The following ARHGEF1 variants were observed in gnomAD, a reference collection of about 807,000 sequenced individuals.
The protein encoded by ARHGEF1 is 115 kDa guanine nucleotide exchange factor.
In ARHGEF1, 40 loss-of-function variants were observed where a neutral mutation model predicts 119.7. The ratio of observed to expected loss-of-function variants is 0.33; its 90% CI spans 0.26 to 0.44. ARHGEF1 has a LOEUF of 0.44. Ranked by LOEUF, ARHGEF1 falls within the 20% of genes least tolerant of loss-of-function variation. The probability of loss-of-function intolerance (pLI) is 1.00; values close to 1 mark genes in which losing one functional copy is unlikely to be tolerated. For synonymous variants in ARHGEF1, 494 were observed against 521.0 expected, an observed-to-expected ratio of 0.95 and a Z score of 0.71; for missense variants, 976 against 1,268.3, an observed-to-expected ratio of 0.77 and a Z score of 3.50.
Position 41,888,914 on chromosome 19 carries a change from C to A in ARHGEF1, c.225+49C>A, listed in dbSNP as rs1555845759. 1.3e-6 allele frequency: 2 copies of A among 1,519,416 alleles called. No homozygotes were observed. The highest frequency in any genetic ancestry group is 2.3e-5 in the East Asian group (1 of 43,258). 94.1% of individuals were successfully genotyped at this position (1,519,416 alleles called of 1,614,324 possible). A position where few individuals can be genotyped will look rare whatever the true frequency, so the allele number is the denominator to read the frequency against. Reference sequence around the variant, plus strand: ...CAGGGAGGGGTGGGGCTGGGACAGGCACAGCTTTTAGCGAATTAAACCAGC... The same window carrying A: ...CAGGGAGGGGTGGGGCTGGGACAGGAACAGCTTTTAGCGAATTAAACCAGC... On this transcript the variant is annotated intron_variant, in intron 4 of 28. Coordinates refer to ENST00000354532, the MANE Select transcript of ARHGEF1 (RefSeq NM_004706.4). This position sits in a 1 kb window ranked among gnomAD's most constrained non-coding sequence, Gnocchi z 5.1.
rs2123415650 is a variant in ARHGEF1, at chr19:41,893,129, G to A, written c.615-145G>A. 3.4e-6 allele frequency: 4 copies of A among 1,184,970 alleles called. No homozygotes were observed. The East Asian group carries it at 1.0e-4, about 30-fold the overall frequency. The allele number at this position is 1,184,970 out of a possible 1,614,324, so 73.4% of individuals were successfully genotyped here. Reference sequence around the variant, plus strand: ...AGAGACCTCCCTCCCTCTTATGACAGTCCTTCCCAATCCCTTCCACAGTGT... The same window carrying A: ...AGAGACCTCCCTCCCTCTTATGACAATCCTTCCCAATCCCTTCCACAGTGT... On this transcript the variant is annotated intron_variant, in intron 7 of 28. Transcript: ENST00000354532.
In ARHGEF1 at chr19:41,892,900, A is replaced by C; in HGVS notation, c.614+51A>C. ...CGTCGCCCCTCCCCAGCACAAGGGC[A>C]CCCGTGCTACCTCTGGCATGTTCCA... On this transcript the variant is annotated intron_variant, in intron 7 of 28. Transcript: ENST00000354532. The surrounding 1 kb of genome is among the most constrained non-coding windows in gnomAD (Gnocchi z 6.3). 6.9e-7 allele frequency: 1 copy of C among 1,445,676 alleles called. No individual in the cohort carries two copies. Among genetic ancestry groups the C allele is most frequent in the Non-Finnish European group, 9.1e-7 (1 of 1,100,196 alleles). The allele number at this position is 1,445,676 out of a possible 1,614,324, so 89.6% of individuals were successfully genotyped here. A position where few individuals can be genotyped will look rare whatever the true frequency, so the allele number is the denominator to read the frequency against.
chr19:41,895,275 T>G, intron 11 of ARHGEF1, 74 bp from the exon 12 acceptor site: 1 of 1,530,954 alleles, frequency 6.5e-7, no homozygotes, highest in Non-Finnish European at 8.8e-7. Flanking sequence ...GCACAGCCTC[T>G]TGCATCCCCT....
chr19:41,892,356 A>T lies in ARHGEF1; in HGVS notation c.350A>T (p.Asn117Ile). The T allele has an allele frequency of 6.2e-7, 1 of 1,613,858 alleles. No individual in the cohort carries two copies. Among genetic ancestry groups the T allele is most frequent in the Non-Finnish European group, 8.5e-7 (1 of 1,179,986 alleles). Residue 117 changes from asparagine to isoleucine, a missense_variant, in exon 6 of 29, where the codon AAC becomes ATC. Coordinates refer to ENST00000354532, the MANE Select transcript of ARHGEF1 (RefSeq NM_004706.4). This position sits in a 1 kb window ranked among gnomAD's most constrained non-coding sequence, Gnocchi z 6.3. ...GTTCTCCGGGTGCCGGTCCCTCCCA[A>T]CGTCGCCTTTGAACTTGGTAAGGAG... is the stretch of plus-strand genomic sequence containing the variant. The part of the protein sequence containing the change: ...TAVLRVPVPP[N>I]VAFELDRTRA...
downstream of ARHGEF1, chr19:41,907,763 T>C (rs2074724622): frequency 5.6e-6 from 1 of 178,534 alleles, no homozygotes. Context: ...GTTGGGATCA[T>C]GGGGAGCTGG....
intron 13 of ARHGEF1, chr19:41,898,121 AACCC>A: frequency 7.2e-7 from 1 of 1,385,494 alleles, no homozygotes; most frequent in Non-Finnish European, 9.3e-7. Context: ...CACGTATGTC[AACCC>A]TCTCCCTTCC....
downstream of ARHGEF1, chr19:41,909,778 A>G: frequency 7.1e-7 from 1 of 1,410,890 alleles, no homozygotes; most frequent in East Asian, 2.5e-5. This position sits in a 1 kb window ranked among gnomAD's most constrained non-coding sequence, Gnocchi z 5.2. Flanking sequence ...TCCAGCAGGA[A>G]CCTGCCCCAG....
chr19:41,927,342 A>T (rs1478192166), intron 1 of ARHGEF1, among the ~76,000 whole-genome samples: 1 of 152,042 alleles, frequency 6.6e-6, no homozygotes, highest in Non-Finnish European at 1.5e-5. Context: ...GAATTGGCCC[A>T]AATGTCCTTC....
chr19:41,891,573 T>C (rs2074377331), intron 4 of ARHGEF1, among the ~76,000 whole-genome samples: 1 of 152,244 alleles, frequency 6.6e-6, no homozygotes, highest in Non-Finnish European at 1.5e-5. Flanking sequence ...TGTGAGCCAC[T>C]GTGCCTAGCC....
At position 41,916,147 on chromosome 19, in the gene ARHGEF1, C is replaced by A. The variant is rs1395361374; in HGVS notation, c.1866-6945C>A. ...TCCCTTCTCTCCCTGCCAAGCACAA[C>A]CACACAGACCCACACACCAACCCAG... On this transcript the variant is annotated intron_variant, in intron 18 of 20. Transcript: ENST00000599589. This position sits in a 1 kb window ranked among gnomAD's most constrained non-coding sequence, Gnocchi z 5.4. Among the ~76,000 whole-genome samples, 1 of 152,062 alleles carries A rather than the reference C, an allele frequency of 6.6e-6. No homozygotes were observed. Among genetic ancestry groups the A allele is most frequent in the African/African-American group, 2.4e-5 (1 of 41,388 alleles).
At chr19:41,909,200 C>T (rs1278713697), downstream of ARHGEF1, 13 of 1,230,650 alleles carry the variant, frequency 1.1e-5, no homozygotes, top group South Asian at 8.2e-5. This position sits in a 1 kb window ranked among gnomAD's most constrained non-coding sequence, Gnocchi z 5.2. Context: ...TGGGAGAAGC[C>T]GCCCTTCTCA....
intron 1 of ARHGEF1, chr19:41,884,323 A>C (rs1416258978): frequency 1.6e-6 from 2 of 1,238,794 alleles, no homozygotes; most frequent in Non-Finnish European, 2.2e-6. Context: ...TCGGGGCCGG[A>C]GCCCGGCAGG....
At chr19:41,896,145 C>T (rs2074481353) in intron 12 of ARHGEF1, among the ~76,000 whole-genome samples, 1 of 152,112 alleles carries the variant, frequency 6.6e-6, no homozygotes, top group Admixed American at 6.5e-5. Flanking sequence ...GGGTCCCCAT[C>T]CACCCAGGAC....
Position 41,902,550 on chromosome 19 carries a change from C to T in ARHGEF1, c.1515C>T (p.Gly505=), listed in dbSNP as rs2074621932. 4 of 1,614,068 alleles carry T rather than the reference C, an allele frequency of 2.5e-6. No homozygotes were observed. Among genetic ancestry groups the T allele is most frequent in the African/African-American group, 2.7e-5 (2 of 74,934 alleles). ...CGCTGTAGTTTGATGGTGCTGAGGGCTCCTGGTTCCAGAAAATCTCCTCCC... is the reference window on the plus strand; with the variant it reads ...CGCTGTAGTTTGATGGTGCTGAGGGTTCCTGGTTCCAGAAAATCTCCTCCC... The part of the protein sequence containing the change: ...VLLARFDGAE[G]SWFQKISSRF... The change falls in exon 17 of 29, where the codon GGC becomes GGT. Residue 505 remains glycine, a synonymous_variant. Transcript: ENST00000354532. This position sits in a 1 kb window ranked among gnomAD's most constrained non-coding sequence, Gnocchi z 6.5.
At chr19:41,901,086 G>T (rs10401937) in intron 14 of ARHGEF1, among the ~76,000 whole-genome samples, 33,316 of 151,702 alleles carry the variant, frequency 0.22, 10,407 homozygotes, top group African/African-American at 0.69. Context: ...ACTGCACCCG[G>T]CCCCTCAGTG....
intron 18 of ARHGEF1, among the ~76,000 whole-genome samples, chr19:41,915,932 A>AC (rs1387457522): frequency 7.0e-6 from 1 of 142,226 alleles, no homozygotes; most frequent in East Asian, 2.1e-4. Context: ...ACAATCCCCC[A>AC]CCCCCCTCCC....
intron 13 of ARHGEF1, chr19:41,897,743 TG>T: frequency 2.1e-6 from 1 of 485,728 alleles, no homozygotes; most frequent in East Asian, 3.4e-5. Flanking sequence ...GTCCCTGTCC[TG>T]GTCTCTCCCC....
chr19:41,897,078 GC>G, intron 13 of ARHGEF1: 2 of 347,152 alleles, frequency 5.8e-6, no homozygotes, highest in Admixed American at 3.1e-5. Context: ...TCTCTTTCAA[GC>G]CCCCCTGCCC....
Position 41,888,352 on chromosome 19 carries a change from A to G in ARHGEF1, c.111+74A>G. Reference sequence around the variant, plus strand: ...GCCCCAGGTCCCCTCCCACCTGCAGATGCTGTCTTCTTGGCCTTTTCCCAC... The same window carrying G: ...GCCCCAGGTCCCCTCCCACCTGCAGGTGCTGTCTTCTTGGCCTTTTCCCAC... On this transcript the variant is annotated intron_variant, in intron 3 of 28. Coordinates refer to ENST00000354532, the MANE Select transcript of ARHGEF1 (RefSeq NM_004706.4). This position sits in a 1 kb window ranked among gnomAD's most constrained non-coding sequence, Gnocchi z 5.1. 1 of 1,453,884 alleles carries G rather than the reference A, an allele frequency of 6.9e-7. No homozygotes were observed. Among genetic ancestry groups the G allele is most frequent in the South Asian group, 1.2e-5 (1 of 86,644 alleles). The allele number at this position is 1,453,884 out of a possible 1,614,324, so 90.1% of individuals were successfully genotyped here.
Sources: gnomAD v4.1 joint callset for allele counts (sites outside exome capture counted in the v4.1 genomes callset) on GRCh38, gnomAD v4.1.1 for gene constraint, Gnocchi (gnomAD v3.1) non-coding constraint, MANE v1.5 for transcripts, NCBI Gene and HGNC (gene_info 2026-07-23, HGNC 2026-07-21) for gene names.